ADGRG6: variants seen among roughly 807,000 people sequenced by gnomAD.
ADGRG6 encodes adhesion G protein-coupled receptor G6.
ADGRG6 carries 84 observed loss-of-function variants against 142.4 expected under a neutral mutation model. The observed-to-expected ratio is 0.59, with a 90% CI of 0.49 to 0.71. The LOEUF is 0.71. Among genes scored for constraint, ADGRG6 ranks in the 30% least tolerant of loss-of-function variants. The pLI is 0.00. For missense variants in ADGRG6, 1,367 were observed against 1,466.6 expected (o/e 0.93, Z 1.11); for synonymous variants, 521 against 520.5 (o/e 1.00, Z -0.01).
intron 2 of ADGRG6, among the ~76,000 whole-genome samples, chr6:142,324,388 T>A (rs1374756644): frequency 6.6e-6 from 1 of 152,114 alleles, no homozygotes; most frequent in Non-Finnish European, 1.5e-5. Flanking sequence ...CTATTTCCAC[T>A]ACTTCCTTAC....
At position 142,341,458 on chromosome 6, in the gene ADGRG6, G is replaced by C. The variant is rs374822439; in HGVS notation, c.104-26111G>C. Among the ~76,000 whole-genome samples the C allele has an allele frequency of 3.1e-4, 34 of 107,988 alleles. No homozygotes were observed. The East Asian group carries it at 5.8e-3, about 19-fold the overall frequency. The allele number at this position is 107,988 out of a possible 152,430, so 70.8% of individuals were successfully genotyped here. A position where few individuals can be genotyped will look rare whatever the true frequency, so the allele number is the denominator to read the frequency against. On this transcript the variant is annotated intron_variant, in intron 2 of 24. Transcript: ENST00000367609. ...TATAATTATATATATAGTATATATA[G>C]TATATATAATATTATGTAGTATATA... is the stretch of plus-strand genomic sequence containing the variant.
rs747012650 is a variant in ADGRG6, at chr6:142,425,944, C to T, written c.3319+5840C>T. On this transcript the variant is annotated intron_variant, in intron 22 of 24. Coordinates refer to ENST00000367609, the MANE Select transcript of ADGRG6 (RefSeq NM_198569.3). ...TGAGATTCATTTACTATCACGATAACAGCCCAGGAAAGACTTGCCCCCATA... is the reference window on the plus strand; with the variant it reads ...TGAGATTCATTTACTATCACGATAATAGCCCAGGAAAGACTTGCCCCCATA... 3.3e-5 allele frequency among the ~76,000 whole-genome samples: 5 copies of T among 152,270 alleles called. No individual in the cohort carries two copies. The South Asian group carries it at 8.3e-4, about 25-fold the overall frequency.
chr6:142,315,447 G>T (rs529355293), intron 2 of ADGRG6, among the ~76,000 whole-genome samples: 1 of 151,998 alleles, frequency 6.6e-6, no homozygotes, highest in South Asian at 2.1e-4. Flanking sequence ...TTTATAGGGT[G>T]GGGTAGTATG....
Position 142,411,496 on chromosome 6 carries a change from T to C in ADGRG6, c.2541+85T>C, listed in dbSNP as rs962743014. The C allele has an allele frequency of 9.6e-5, 73 of 759,378 alleles. 1 individual carries two copies. The Middle Eastern group carries it at 2.6e-3, about 27-fold the overall frequency. 47.0% of individuals were successfully genotyped at this position (759,378 alleles called of 1,614,324 possible). The stretch of plus-strand genomic sequence containing the variant: ...TTTTTGTATGTATTTTTAGATTATG[T>C]ATTTTGGGAATTATTTCCTGATAGT... On this transcript the variant is annotated intron_variant, in intron 18 of 24. Transcript: ENST00000367609.
At chr6:142,413,681 G>A (rs916565856) in intron 18 of ADGRG6, among the ~76,000 whole-genome samples, 6 of 152,078 alleles carry the variant, frequency 3.9e-5, no homozygotes, top group African/African-American at 1.2e-4. Flanking sequence ...TGAATCAAGT[G>A]GCACCAACTC....
At chr6:142,376,128 T>TTTTA (rs1781484856) in intron 4 of ADGRG6, among the ~76,000 whole-genome samples, 1 of 152,166 alleles carries the variant, frequency 6.6e-6, no homozygotes, top group South Asian at 2.1e-4. Flanking sequence ...ATACATTCAG[T>TTTTA]TTTATGACCC....
At chr6:142,428,467 T>C (rs1777058581) in intron 22 of ADGRG6, among the ~76,000 whole-genome samples, 1 of 152,178 alleles carries the variant, frequency 6.6e-6, no homozygotes, top group South Asian at 2.1e-4. Flanking sequence ...GCTTTGGTCT[T>C]TTAATTTTAC....
intron 2 of ADGRG6, among the ~76,000 whole-genome samples, chr6:142,366,609 G>A (rs1427346244): frequency 6.6e-5 from 10 of 151,976 alleles, no homozygotes; most frequent in Non-Finnish European, 1.5e-4. Flanking sequence ...TCTTTATCCA[G>A]CCAGGCGTGG....
chr6:142,317,745 T>C (rs1385557947), intron 2 of ADGRG6, among the ~76,000 whole-genome samples: 2 of 109,334 alleles, frequency 1.8e-5, no homozygotes, highest in African/African-American at 7.2e-5. Context: ...ATTTATATAA[T>C]ATATATTTAT....
intron 2 of ADGRG6, among the ~76,000 whole-genome samples, chr6:142,324,362 A>T (rs1381639490): frequency 1.3e-5 from 2 of 152,078 alleles, no homozygotes; most frequent in Non-Finnish European, 2.9e-5. Flanking sequence ...TGTATCCTCA[A>T]CCAGTATTTT....
At chr6:142,313,878 T>C (rs1254914675) in intron 2 of ADGRG6, among the ~76,000 whole-genome samples, 9 of 152,110 alleles carry the variant, frequency 5.9e-5, no homozygotes, top group Non-Finnish European at 1.5e-5. Context: ...TTTATGAATG[T>C]CCCCTTTTTA....
At chr6:142,369,576 CTTTG>C (rs1230483417) in intron 3 of ADGRG6, among the ~76,000 whole-genome samples, 1 of 152,120 alleles carries the variant, frequency 6.6e-6, no homozygotes, top group Non-Finnish European at 1.5e-5. Context: ...TAAATCTCCA[CTTTG>C]TTTGACTTTT....
intron 2 of ADGRG6, among the ~76,000 whole-genome samples, chr6:142,361,808 G>GTT (rs113523803): frequency 1.0e-4 from 15 of 144,592 alleles, no homozygotes; most frequent in East Asian, 4.0e-4. Flanking sequence ...CCTTTAGATT[G>GTT]TTTTTTTTTT....
chr6:142,378,843 T>C (rs924041549), intron 4 of ADGRG6, among the ~76,000 whole-genome samples: 1 of 152,240 alleles, frequency 6.6e-6, no homozygotes, highest in African/African-American at 2.4e-5. Context: ...CTTGATATTG[T>C]CACACCCTGC....
intron 17 of ADGRG6, 133 bp from the exon 18 acceptor site, chr6:142,411,172 A>C: frequency 1.7e-6 from 1 of 573,314 alleles, no homozygotes; most frequent in Non-Finnish European, 3.2e-6. Flanking sequence ...AAACTTTCAT[A>C]ATGGTATCCA....
At chr6:142,341,577 AG>A (rs1779646637) in intron 2 of ADGRG6, among the ~76,000 whole-genome samples, 1 of 122,952 alleles carries the variant, frequency 8.1e-6, no homozygotes, top group Non-Finnish European at 1.6e-5. Flanking sequence ...AATATTATGT[AG>A]TATATATAAT....
At position 142,302,300 on chromosome 6, in the gene ADGRG6, C is replaced by T; in HGVS notation, c.-30C>T. 1 of 1,611,880 alleles carries T rather than the reference C, an allele frequency of 6.2e-7. No homozygotes were observed. The highest frequency in any genetic ancestry group is 8.5e-7 in the Non-Finnish European group (1 of 1,178,854). ...AAGTGGTGGAGGATGATCTTGCGGC[C>T]AAAGGGGACCTCGGCGCAGTAATGT... On this transcript the variant is annotated 5_prime_UTR_variant, in exon 1 of 25. Coordinates refer to ENST00000367609, the MANE Select transcript of ADGRG6 (RefSeq NM_198569.3).
chr6:142,409,690 T>C (rs937843009), intron 16 of ADGRG6, among the ~76,000 whole-genome samples, 184 bp from the exon 17 acceptor site: 15 of 152,110 alleles, frequency 9.9e-5, no homozygotes, highest in African/African-American at 3.6e-4. Flanking sequence ...TAGAGTTGAT[T>C]TTCGCTTGAA....
At chr6:142,395,455 G>A (rs1016614668) in intron 9 of ADGRG6, among the ~76,000 whole-genome samples, 7 of 152,098 alleles carry the variant, frequency 4.6e-5, no homozygotes, top group East Asian at 1.9e-4. Flanking sequence ...GGCAGTCAGC[G>A]TCCGCTTTTT....
Sources: allele counts gnomAD v4.1 joint callset (sites outside exome capture counted in the v4.1 genomes callset), GRCh38; gene constraint gnomAD v4.1.1; transcripts MANE v1.5; gene names NCBI Gene and HGNC (gene_info 2026-07-23, HGNC 2026-07-21).